The following RIMS1 variants were observed in gnomAD, a reference collection of about 807,000 sequenced individuals.
RIMS1 encodes regulating synaptic membrane exocytosis 1, also known as regulating synaptic membrane exocytosis protein 1.
RIMS1 carries 83 observed loss-of-function variants against 214.1 expected under a neutral mutation model. The observed-to-expected ratio is 0.39, with a 90% CI of 0.32 to 0.47. RIMS1 has a LOEUF of 0.47. RIMS1 is among the 20% of genes least tolerant of loss of function. The pLI, the probability that RIMS1 is intolerant of heterozygous loss-of-function variation, is 0.99. For synonymous variants in RIMS1, 793 were observed against 786.8 expected, an observed-to-expected ratio of 1.01 and a Z score of -0.13; for missense variants, 2,050 against 2,161.8, an observed-to-expected ratio of 0.95 and a Z score of 1.03.
Position 72,362,619 on chromosome 6 carries a change from A to G in RIMS1, c.4367-27979A>G, listed in dbSNP as rs188404781. Among the ~76,000 whole-genome samples, 28 of 152,338 alleles carry G rather than the reference A, an allele frequency of 1.8e-4. No individual in the cohort carries two copies. The East Asian group carries it at 5.2e-3, about 28-fold the overall frequency. On this transcript the variant is annotated intron_variant, in intron 29 of 33. Coordinates refer to ENST00000521978, the MANE Select transcript of RIMS1 (RefSeq NM_014989.7). ...TTATCCCCAGTTGTTTAATATACCC[A>G]TATAGTAGATAAAACAACTGCATGA...
intron 4 of RIMS1, among the ~76,000 whole-genome samples, chr6:72,111,692 A>G (rs1330049231): frequency 6.6e-6 from 1 of 152,166 alleles, no homozygotes; most frequent in African/African-American, 2.4e-5. Flanking sequence ...CATTTCTTGA[A>G]AAGTCTATGA....
chr6:72,307,231 A>G (rs372453728), intron 26 of RIMS1, 27 bp from the exon 27 acceptor site: 23 of 1,458,518 alleles, frequency 1.6e-5, no homozygotes, highest in Admixed American at 3.8e-5. Context: ...ACATGTTTTA[A>G]TAGGCTTCCA....
chr6:72,366,875 A>G (rs1288049386), intron 29 of RIMS1: 1 of 981,422 alleles, frequency 1.0e-6, no homozygotes, highest in Non-Finnish European at 1.2e-6. Context: ...AGGTAAGTCT[A>G]TGTTCCTTAT....
intron 1 of RIMS1, among the ~76,000 whole-genome samples, chr6:71,899,310 T>TA (rs1481661090): frequency 1.3e-5 from 2 of 151,852 alleles, no homozygotes; most frequent in Non-Finnish European, 2.9e-5. Flanking sequence ...TGGTTTTTTT[T>TA]ACTCTTAAAA....
At chr6:72,395,476 T>C (rs1454708440) in intron 31 of RIMS1, among the ~76,000 whole-genome samples, 1 of 152,012 alleles carries the variant, frequency 6.6e-6, no homozygotes, top group East Asian at 1.9e-4. Flanking sequence ...AATTATAGAA[T>C]TGAAAAATAA....
At chr6:71,934,201 C>T (rs564618827) in intron 1 of RIMS1, among the ~76,000 whole-genome samples, 1 of 152,298 alleles carries the variant, frequency 6.6e-6, no homozygotes, top group African/African-American at 2.4e-5. Flanking sequence ...CCCAACATTA[C>T]CTCTGGTATT....
At chr6:72,250,021 AT>A (rs1222553074) in intron 12 of RIMS1, among the ~76,000 whole-genome samples, 3 of 152,054 alleles carry the variant, frequency 2.0e-5, no homozygotes, top group Non-Finnish European at 4.4e-5. Flanking sequence ...AATAATAATG[AT>A]TTTATGTCTC....
intron 29 of RIMS1, among the ~76,000 whole-genome samples, chr6:72,339,457 C>G (rs12175399): frequency 0.073 from 11,112 of 151,702 alleles, 698 homozygotes; most frequent in East Asian, 0.35. Flanking sequence ...CAACAGTCCC[C>G]AGTGTGTGAT....
intron 28 of RIMS1, among the ~76,000 whole-genome samples, chr6:72,329,353 A>G (rs2096583686): frequency 6.6e-6 from 1 of 151,852 alleles, no homozygotes; most frequent in East Asian, 1.9e-4. Context: ...AGCTGTTTCC[A>G]AAGATGATCC....
chr6:72,183,922 G>A (rs1169434835), intron 6 of RIMS1, among the ~76,000 whole-genome samples: 1 of 152,130 alleles, frequency 6.6e-6, no homozygotes. Flanking sequence ...TAGACTACGT[G>A]GCGCCATTTG....
intron 1 of RIMS1, among the ~76,000 whole-genome samples, chr6:71,900,231 G>GGGAGT (rs2150443565): frequency 6.6e-6 from 1 of 152,150 alleles, no homozygotes; most frequent in Non-Finnish European, 1.5e-5. Context: ...TGATGGAAGG[G>GGGAGT]GGAGTGGTAA....
intron 22 of RIMS1, among the ~76,000 whole-genome samples, chr6:72,269,874 G>T (rs1241265390): frequency 1.3e-5 from 2 of 151,960 alleles, no homozygotes; most frequent in Non-Finnish European, 2.9e-5. Context: ...TCTGCTCACT[G>T]TTCAAAAATA....
intron 28 of RIMS1, among the ~76,000 whole-genome samples, chr6:72,315,454 A>G (rs2095725730): frequency 6.6e-6 from 1 of 152,236 alleles, no homozygotes; most frequent in Non-Finnish European, 1.5e-5. Flanking sequence ...TAAGCACTAC[A>G]GCTAATAGTT....
chr6:72,147,816 T>C (rs2042949846), intron 4 of RIMS1, among the ~76,000 whole-genome samples: 1 of 152,202 alleles, frequency 6.6e-6, no homozygotes, highest in South Asian at 2.1e-4. Flanking sequence ...TGGCCAATAC[T>C]TCTGGGTTTT....
intron 1 of RIMS1, among the ~76,000 whole-genome samples, chr6:71,902,372 A>C (rs936381118): frequency 1.3e-5 from 2 of 152,082 alleles, no homozygotes; most frequent in Middle Eastern, 3.2e-3. Flanking sequence ...GGTCATGTAT[A>C]AGATGAGTCA....
Position 71,886,882 on chromosome 6 carries a change from G to GCTGCCGCCGCCGCCGCTGCTCCTCCTC in RIMS1, c.-128_-102dup. 1.2e-6 allele frequency: 1 copy of GCTGCCGCCGCCGCCGCTGCTCCTCCTC among 864,388 alleles called. No individual in the cohort carries two copies. Among genetic ancestry groups the GCTGCCGCCGCCGCCGCTGCTCCTCCTC allele is most frequent in the Non-Finnish European group, 1.8e-6 (1 of 555,110 alleles). The allele number at this position is 864,388 out of a possible 1,614,324, so 53.5% of individuals were successfully genotyped here. ...TCTCCCCGGCTCTGCTGCTGCTGCT[G>GCTGCCGCCGCCGCCGCTGCTCCTCCTC]CTGCCGCCGCCGCCGCTGCTCCTCC... is the stretch of plus-strand genomic sequence containing the variant. On this transcript the variant is annotated 5_prime_UTR_variant, in exon 1 of 34. Transcript: ENST00000521978.
At chr6:72,169,046 C>T (rs1267467409) in intron 4 of RIMS1, among the ~76,000 whole-genome samples, 1 of 152,020 alleles carries the variant, frequency 6.6e-6, no homozygotes, top group Non-Finnish European at 1.5e-5. Flanking sequence ...GTTTGAGGCT[C>T]CTGTCTAACA....
At chr6:71,919,439 CA>C (rs1779368127) in intron 1 of RIMS1, among the ~76,000 whole-genome samples, 1 of 151,894 alleles carries the variant, frequency 6.6e-6, no homozygotes. Context: ...GGAAGATTAT[CA>C]GTTCGGTTTT....
intron 5 of RIMS1, 123 bp from the exon 6 acceptor site, chr6:72,182,161 A>C: frequency 9.1e-7 from 1 of 1,093,678 alleles, no homozygotes; most frequent in South Asian, 2.0e-5. Context: ...CCACCTTCAG[A>C]TCCAAATCCC....
Sources: gnomAD v4.1 joint callset for allele counts (sites outside exome capture counted in the v4.1 genomes callset) on GRCh38, gnomAD v4.1.1 for gene constraint, MANE v1.5 for transcripts, NCBI Gene and HGNC (gene_info 2026-07-23, HGNC 2026-07-21) for gene names.